The following PNPLA3 variants were observed in gnomAD, a reference collection of about 807,000 sequenced individuals.
PNPLA3 encodes patatin like domain 3, 1-acylglycerol-3-phosphate O-acyltransferase.
A neutral mutation model predicts 43.1 loss-of-function variants in PNPLA3; 42 were observed. That is an observed-to-expected ratio of 0.97 (90% CI 0.76 to 1.26). The LOEUF is 1.26. Ranked by LOEUF, PNPLA3 falls within the 50% of genes most tolerant of loss-of-function variation. PNPLA3 has a pLI of 0.00. For synonymous variants in PNPLA3, 272 were observed against 253.6 expected (o/e 1.07, Z -0.69); for missense variants, 647 against 621.4 (o/e 1.04, Z -0.44).
intron 2 of PNPLA3, 42 bp from the exon 3 acceptor site, chr22:43,928,781 AG>A (rs1287402416): frequency 6.5e-7 from 1 of 1,548,010 alleles, no homozygotes; most frequent in Non-Finnish European, 8.9e-7. Flanking sequence ...GAAAATTAAA[AG>A]GGTGCTCTCG....
rs138667813 is a variant in PNPLA3, at chr22:43,946,239, G to A, written c.1303G>A (p.Gly435Ser). 2.5e-6 allele frequency: 4 copies of A among 1,614,050 alleles called. No homozygotes were observed. The African/African-American group carries it at 5.3e-5, about 22-fold the overall frequency. ...CTGCTGGACTCCCTGCTCCCCCAAGGGCTGTCCAGCAGAGACCAAAGCAGA... is the reference window on the plus strand; with the variant it reads ...CTGCTGGACTCCCTGCTCCCCCAAGAGCTGTCCAGCAGAGACCAAAGCAGA... ...WPCWTPCSPK[G>S]CPAETKAEAT... is the part of the protein sequence containing the mutation. The change falls in exon 9 of 9, where the codon GGC becomes AGC. Residue 435 changes from glycine (G) to serine (S), a missense_variant. Physicochemically the swap from Gly to Ser is moderately conservative, Grantham distance 56 (BLOSUM62 0). Coordinates refer to ENST00000216180, the MANE Select transcript of PNPLA3 (RefSeq NM_025225.3).
intron 1 of PNPLA3, among the ~76,000 whole-genome samples, chr22:43,925,574 C>T (rs1345191575): frequency 2.0e-5 from 3 of 152,108 alleles, no homozygotes; most frequent in East Asian, 1.9e-4. Context: ...GGTGAGGAAG[C>T]GGGCAGAGGA....
rs2146776362 is a variant in PNPLA3 at position 43,928,823 on chromosome 22, G to T, written c.421-1G>T. ...AACTTCTCTCTCCTTTGCTTTCACA[G>T]GCCTTGGTATGTTCCTGCTTCATCC... On this transcript the variant is annotated splice_acceptor_variant, in intron 2 of 8. Transcript: ENST00000216180. LOFTEE classifies it high-confidence loss of function. 1.9e-6 allele frequency: 3 copies of T among 1,608,710 alleles called. No homozygotes were observed. Among genetic ancestry groups the T allele is most frequent in the Non-Finnish European group, 2.6e-6 (3 of 1,175,232 alleles).
Position 43,923,961 on chromosome 22 carries a change from T to C in PNPLA3, c.50T>C (p.Phe17Ser). The change falls in exon 1 of 9, where the codon TTC becomes TCC. Residue 17 changes from phenylalanine to serine, a missense_variant. Coordinates refer to ENST00000216180, the MANE Select transcript of PNPLA3 (RefSeq NM_025225.3). ...AGCTTGTCCTTCGCGGGCTGCGGCT[T>C]CCTGGGCTTCTACCACGTCGGGGCG... ...GWSLSFAGCGFLGFYHVGATR... is the reference protein window; with the variant it reads ...GWSLSFAGCGSLGFYHVGATR... 6.3e-7 allele frequency: 1 copy of C among 1,584,442 alleles called. No individual in the cohort carries two copies. Among genetic ancestry groups the C allele is most frequent in the Non-Finnish European group, 8.5e-7 (1 of 1,173,768 alleles).
chr22:43,927,094 T>C lies in PNPLA3; in HGVS notation c.347T>C (p.Ile116Thr). The C allele has an allele frequency of 6.2e-7, 1 of 1,614,230 alleles. No individual in the cohort carries two copies. The highest frequency in any genetic ancestry group is 8.5e-7 in the Non-Finnish European group (1 of 1,180,042). ...VHQLISGKIGISLTRVSDGEN... is the reference protein window; with the variant it reads ...VHQLISGKIGTSLTRVSDGEN... ...CAGCTCATCTCCGGCAAAATAGGCATCTCTCTTACCAGAGTGTCTGATGGG... is the reference window on the plus strand; with the variant it reads ...CAGCTCATCTCCGGCAAAATAGGCACCTCTCTTACCAGAGTGTCTGATGGG... Residue 116 changes from isoleucine to threonine, a missense_variant, in exon 2 of 9, where the codon ATC becomes ACC. Transcript: ENST00000216180.
At position 43,946,256 on chromosome 22, in the gene PNPLA3, CA is replaced by C. The variant is rs1181750347; in HGVS notation, c.1323del (p.Ala442GlnfsTer13). On this transcript the variant is annotated frameshift_variant, in exon 9 of 9. Transcript: ENST00000216180. LOFTEE classifies it low-confidence loss of function (END_TRUNC). ...CSPKGCPAET[K>X]AEATPRSILR... ...CCCCCAAGGGCTGTCCAGCAGAGACCAAAGCAGAGGCCACCCCGCGGTCCAT... is the reference window on the plus strand; with the variant it reads ...CCCCCAAGGGCTGTCCAGCAGAGACCAAGCAGAGGCCACCCCGCGGTCCAT... The C allele has an allele frequency of 6.2e-7, 1 of 1,614,016 alleles. No homozygotes were observed. Among genetic ancestry groups the C allele is most frequent in the Non-Finnish European group, 8.5e-7 (1 of 1,180,012 alleles).
At chr22:43,935,030 G>C (rs2049986056) in intron 5 of PNPLA3, among the ~76,000 whole-genome samples, 1 of 152,148 alleles carries the variant, frequency 6.6e-6, no homozygotes, top group South Asian at 2.1e-4. Context: ...CGAAGTTAAA[G>C]AGTTTCTGCG....
intron 1 of PNPLA3, among the ~76,000 whole-genome samples, chr22:43,925,199 C>G (rs13053446): frequency 0.042 from 6,362 of 152,290 alleles, 211 homozygotes; most frequent in Non-Finnish European, 0.066. Context: ...CCACCCTCCC[C>G]TCTCCGGCTC....
In PNPLA3 at chr22:43,946,650, A is replaced by G; in HGVS notation, c.*268A>G. On this transcript the variant is annotated 3_prime_UTR_variant, in exon 9 of 9. Transcript: ENST00000216180. ...GCCCAGTGCAGAGGGTCCCTTACTG[A>G]CTGTTTCGTGGCCCTATTAATGGTC... 3.0e-6 allele frequency: 2 copies of G among 662,218 alleles called. No individual in the cohort carries two copies. Among genetic ancestry groups the G allele is most frequent in the Non-Finnish European group, 5.7e-6 (2 of 353,600 alleles). The allele number at this position is 662,218 out of a possible 1,614,324, so 41.0% of individuals were successfully genotyped here.
chr22:43,923,841 G>T lies in PNPLA3; in HGVS notation c.-71G>T, dbSNP rs1458722936. The T allele has an allele frequency of 1.4e-6, 2 of 1,389,640 alleles. No individual in the cohort carries two copies. Among genetic ancestry groups the T allele is most frequent in the South Asian group, 1.5e-5 (1 of 64,982 alleles). 86.1% of individuals were successfully genotyped at this position (1,389,640 alleles called of 1,614,324 possible). ...GCGGGCGCCGGGCGGAGCTGCTGCG[G>T]ATCAGGACCCGAGCCGATTCCCGAT... is the stretch of plus-strand genomic sequence containing the variant. On this transcript the variant is annotated 5_prime_UTR_variant, in exon 1 of 9. Transcript: ENST00000216180.
At chr22:43,933,641 TG>T (rs1379227230) in intron 4 of PNPLA3, among the ~76,000 whole-genome samples, 2 of 152,180 alleles carry the variant, frequency 1.3e-5, no homozygotes, top group African/African-American at 4.8e-5. Flanking sequence ...CCCAATGTGT[TG>T]GGATTACAGG....
intron 4 of PNPLA3, among the ~76,000 whole-genome samples, chr22:43,933,471 C>T (rs1603416438): frequency 1.3e-5 from 2 of 152,288 alleles, no homozygotes; most frequent in African/African-American, 4.8e-5. Context: ...ACTGAAGCCT[C>T]AGACTCCTGG....
intron 8 of PNPLA3, among the ~76,000 whole-genome samples, chr22:43,945,667 C>G (rs1433038862): frequency 6.6e-6 from 1 of 152,106 alleles, no homozygotes; most frequent in African/African-American, 2.4e-5. Flanking sequence ...GAGGGTGGAT[C>G]CTGGGCCCTG....
rs765749635 is a variant in PNPLA3 at position 43,940,083 on chromosome 22, C to T, written c.1070C>T (p.Pro357Leu). ...PIRIMSYVML[P>L]CTLPVESAIA... ...AGGATAATGTCTTATGTAATGCTGC[C>T]CTGTACCCTGCCTGTGGAATCTGCC... The change falls in exon 7 of 9, where the codon CCC becomes CTC. Residue 357 changes from proline to leucine, a missense_variant. Physicochemically the swap from Pro to Leu is moderately conservative, Grantham distance 98 (BLOSUM62 -3). Coordinates refer to ENST00000216180, the MANE Select transcript of PNPLA3 (RefSeq NM_025225.3). The T allele has an allele frequency of 1.2e-6, 2 of 1,613,988 alleles. No individual in the cohort carries two copies. The highest frequency in any genetic ancestry group is 2.7e-5 in the African/African-American group (2 of 74,912).
At chr22:43,930,748 G>A (rs112407364) in intron 3 of PNPLA3, among the ~76,000 whole-genome samples, 1 of 152,202 alleles carries the variant, frequency 6.6e-6, no homozygotes, top group Admixed American at 6.5e-5. Context: ...CGAAGCAGGA[G>A]TGTTTGTTCT....
chr22:43,944,320 C>T (rs944465934), intron 7 of PNPLA3, among the ~76,000 whole-genome samples: 12 of 152,174 alleles, frequency 7.9e-5, no homozygotes, highest in African/African-American at 2.7e-4. Context: ...CATGGTGCCT[C>T]TGCTGGGCTC....
At chr22:43,945,404 A>G (rs1158537250) in intron 8 of PNPLA3, among the ~76,000 whole-genome samples, 1 of 152,126 alleles carries the variant, frequency 6.6e-6, no homozygotes. Flanking sequence ...CCTGGCTCCC[A>G]TTACCAGGGT....
chr22:43,942,504 G>GGTACTCCTGCACT (rs1199313915), intron 7 of PNPLA3, among the ~76,000 whole-genome samples: 1 of 152,058 alleles, frequency 6.6e-6, no homozygotes, highest in Non-Finnish European at 1.5e-5. Flanking sequence ...CTTCTTTGCA[G>GGTACTCCTGCACT]GTGAGTGCTC....
At chr22:43,944,416 C>G (rs2050050167) in intron 7 of PNPLA3, among the ~76,000 whole-genome samples, 1 of 152,326 alleles carries the variant, frequency 6.6e-6, no homozygotes, top group East Asian at 1.9e-4. Flanking sequence ...GGCCTCAGCT[C>G]CTCTCCAAGC....
Sources: gnomAD v4.1 joint callset for allele counts (sites outside exome capture counted in the v4.1 genomes callset) on GRCh38, gnomAD v4.1.1 for gene constraint, MANE v1.5 for transcripts, NCBI Gene and HGNC (gene_info 2026-07-23, HGNC 2026-07-21) for gene names.